PCYOX1: variants seen among roughly 807,000 people sequenced by gnomAD.
PCYOX1 encodes the protein prenylcysteine oxidase 1, also known as prenylcysteine lyase.
A neutral mutation model predicts 46.4 loss-of-function variants in PCYOX1; 46 were observed. The observed-to-expected ratio is 0.99, with a 90% confidence interval of 0.78 to 1.27. The LOEUF (loss-of-function observed/expected upper bound fraction) is 1.27. PCYOX1 is among the 50% of genes most tolerant of loss of function. PCYOX1 has a pLI of 0.00. For synonymous variants in PCYOX1, 220 were observed against 231.8 expected, an observed-to-expected ratio of 0.95 and a Z score of 0.46; for missense variants, 658 against 628.3, an observed-to-expected ratio of 1.05 and a Z score of -0.51.
chr2:70,264,970 TACACAA>T (rs769219085), intron 3 of PCYOX1, among the ~76,000 whole-genome samples: 35 of 151,954 alleles, frequency 2.3e-4, no homozygotes, highest in Non-Finnish European at 4.3e-4. Flanking sequence ...GATCAAAGTA[TACACAA>T]GGTGGAGAAA....
At chr2:70,261,043 C>T (rs1036521660) in intron 2 of PCYOX1, among the ~76,000 whole-genome samples, 169 bp from the exon 3 acceptor site, 4 of 152,196 alleles carry the variant, frequency 2.6e-5, no homozygotes, top group Admixed American at 2.6e-4. Flanking sequence ...CCTAGCAAAT[C>T]TGCTTTTGGA....
intron 3 of PCYOX1, among the ~76,000 whole-genome samples, chr2:70,266,017 G>A (rs1696516654): frequency 6.6e-6 from 1 of 152,082 alleles, no homozygotes; most frequent in South Asian, 2.1e-4. Flanking sequence ...CACCACCACT[G>A]TCTCTTGTCT....
At chr2:70,266,891 ATC>A (rs1559035194) in intron 3 of PCYOX1, among the ~76,000 whole-genome samples, 1 of 152,124 alleles carries the variant, frequency 6.6e-6, no homozygotes, top group African/African-American at 2.4e-5. Context: ...TAACAATCCG[ATC>A]TCTCCTTCCT....
intron 3 of PCYOX1, among the ~76,000 whole-genome samples, chr2:70,268,676 G>A (rs1175132099): frequency 1.3e-5 from 2 of 151,846 alleles, no homozygotes; most frequent in Non-Finnish European, 2.9e-5. Flanking sequence ...GTGCATGCTT[G>A]TAATCCCAGC....
In PCYOX1 at chr2:70,277,321, C is replaced by T. The variant is rs1696687060; in HGVS notation, c.1447C>T (p.His483Tyr). ...CCACAACGCTGCACTCCTTGCCTAT[C>T]ACCGCTGGAACGGGCACACAGACAT... The part of the protein sequence containing the change: ...AAHNAALLAY[H>Y]RWNGHTDMID... Residue 483 changes from histidine to tyrosine, a missense_variant, in exon 6 of 6, where the codon CAC becomes TAC. Physicochemically the swap from His to Tyr is moderately conservative, Grantham distance 83 (BLOSUM62 2). Transcript: ENST00000433351. The T allele has an allele frequency of 6.2e-7, 1 of 1,614,082 alleles. No homozygotes were observed. Among genetic ancestry groups the T allele is most frequent in the Non-Finnish European group, 8.5e-7 (1 of 1,179,958 alleles).
In PCYOX1 at chr2:70,278,733, TTAAC is replaced by T. The variant is rs1696720407; in HGVS notation, c.*1342_*1345del. On this transcript the variant is annotated 3_prime_UTR_variant, in exon 6 of 6. Coordinates refer to ENST00000433351, the MANE Select transcript of PCYOX1 (RefSeq NM_016297.4). Reference sequence around the variant, plus strand: ...GGGTTTTAAAGCATCCAAATGGTAATTAACAGGCAGCAAAACTTCAGAACTAGTT... The same window carrying T: ...GGGTTTTAAAGCATCCAAATGGTAATAGGCAGCAAAACTTCAGAACTAGTT... The T allele has an allele frequency of 6.6e-6, 1 of 152,180 alleles. No individual in the cohort carries two copies. Among genetic ancestry groups the T allele is most frequent in the South Asian group, 2.1e-4 (1 of 4,832 alleles). The allele number at this position is 152,180 out of a possible 1,614,324, so 9.4% of individuals were successfully genotyped here. A position where few individuals can be genotyped will look rare whatever the true frequency, so the allele number is the denominator to read the frequency against.
Position 70,258,148 on chromosome 2 carries a change from C to T in PCYOX1, c.-17C>T, listed in dbSNP as rs777519589. ...ACTGCGGGGCTCTTGAGGCCAGCTG[C>T]AGAGCTTGTGGAGGCCATGGGGCGC... On this transcript the variant is annotated 5_prime_UTR_variant, in exon 1 of 6. Coordinates refer to ENST00000433351, the MANE Select transcript of PCYOX1 (RefSeq NM_016297.4). 3 of 1,578,418 alleles carry T rather than the reference C, an allele frequency of 1.9e-6. No individual in the cohort carries two copies. The highest frequency in any genetic ancestry group is 1.7e-6 in the Non-Finnish European group (2 of 1,166,132).
chr2:70,271,437 G>T (rs1696599616), intron 3 of PCYOX1, among the ~76,000 whole-genome samples: 2 of 151,510 alleles, frequency 1.3e-5, no homozygotes, highest in Admixed American at 6.6e-5. Flanking sequence ...TTAGGAAAGA[G>T]AATTTAAACG....
At chr2:70,263,347 C>T (rs558319520) in intron 3 of PCYOX1, among the ~76,000 whole-genome samples, 21 of 152,214 alleles carry the variant, frequency 1.4e-4, no homozygotes, top group Admixed American at 5.9e-4. Flanking sequence ...ATGCCTTTCC[C>T]GTGGGTACCT....
At chr2:70,275,487 A>G (rs1559037701) in intron 4 of PCYOX1, 27 bp from the exon 5 acceptor site, 1 of 1,610,730 alleles carries the variant, frequency 6.2e-7, no homozygotes, top group Admixed American at 1.7e-5. Context: ...AGTCAGAATT[A>G]AAACACATTT....
In PCYOX1 at chr2:70,266,942, C is replaced by T. The variant is rs530264978; in HGVS notation, c.494+5556C>T. On this transcript the variant is annotated intron_variant, in intron 3 of 5. Coordinates refer to ENST00000433351, the MANE Select transcript of PCYOX1 (RefSeq NM_016297.4). ...CCCCACTTCTATTCGACAAAACTGC[C>T]ATCGTCATCATGGCCCGTTCTCAAT... Among the ~76,000 whole-genome samples, 885 of 152,300 alleles carry T rather than the reference C, an allele frequency of 5.8e-3. 10 individuals are homozygous for T. Among genetic ancestry groups the T allele is most frequent in the African/African-American group, 0.02 (849 of 41,586 alleles).
intron 3 of PCYOX1, among the ~76,000 whole-genome samples, chr2:70,262,549 G>C (rs931181239): frequency 6.8e-6 from 1 of 146,088 alleles, no homozygotes; most frequent in African/African-American, 2.6e-5. Context: ...GCACCATCTC[G>C]GCTCACTGCA....
At position 70,278,862 on chromosome 2, in the gene PCYOX1, C is replaced by T. The variant is rs1696722291; in HGVS notation, c.*1470C>T. 6.6e-6 allele frequency: 1 copy of T among 152,192 alleles called. No individual in the cohort carries two copies. Among genetic ancestry groups the T allele is most frequent in the African/African-American group, 2.4e-5 (1 of 41,450 alleles). 9.4% of individuals were successfully genotyped at this position (152,192 alleles called of 1,614,324 possible). On this transcript the variant is annotated 3_prime_UTR_variant, in exon 6 of 6. Coordinates refer to ENST00000433351, the MANE Select transcript of PCYOX1 (RefSeq NM_016297.4). ...TCAAAAGTAAATGCAACCAATTTAA[C>T]ATGTAGTGTTATTAAAAAATTACAA...
In PCYOX1 at chr2:70,275,190, A is replaced by C. The variant is rs767171249; in HGVS notation, c.706+20A>C. On this transcript the variant is annotated intron_variant, in intron 4 of 5. Transcript: ENST00000433351. ...TTGTGGGTAAGCCAGGGCTTGAAAC[A>C]GTGGTGGACATTAGTTCACAGAGGG... 1 of 1,581,998 alleles carries C rather than the reference A, an allele frequency of 6.3e-7. No individual in the cohort carries two copies. Among genetic ancestry groups the C allele is most frequent in the South Asian group, 1.1e-5 (1 of 90,440 alleles).
chr2:70,272,102 T>C (rs1240155589), intron 3 of PCYOX1, among the ~76,000 whole-genome samples: 1 of 151,926 alleles, frequency 6.6e-6, no homozygotes, highest in Non-Finnish European at 1.5e-5. Context: ...CAATCTATTA[T>C]ATAGGAGCCT....
intron 1 of PCYOX1, chr2:70,258,523 CGGGCGGG>C: frequency 6.6e-6 from 1 of 152,324 alleles, no homozygotes; most frequent in East Asian, 2.7e-4. Context: ...GGGACAGGGG[CGGGCGGG>C]CAGGCAGGCG....
At position 70,278,634 on chromosome 2, in the gene PCYOX1, T is replaced by C. The variant is rs1194787828; in HGVS notation, c.*1242T>C. ...TTAAGTGTTTCATTTACTGTAGCAT[T>C]CTGGGTGAGAAATTGGTTGCTGAAA... On this transcript the variant is annotated 3_prime_UTR_variant, in exon 6 of 6. Coordinates refer to ENST00000433351, the MANE Select transcript of PCYOX1 (RefSeq NM_016297.4). 1 of 152,180 alleles carries C rather than the reference T, an allele frequency of 6.6e-6. No individual in the cohort carries two copies. Among genetic ancestry groups the C allele is most frequent in the Admixed American group, 6.5e-5 (1 of 15,276 alleles). 9.4% of individuals were successfully genotyped at this position (152,180 alleles called of 1,614,324 possible). A position where few individuals can be genotyped will look rare whatever the true frequency, so the allele number is the denominator to read the frequency against.
At position 70,278,218 on chromosome 2, in the gene PCYOX1, C is replaced by G. The variant is rs1309944450; in HGVS notation, c.*826C>G. 6.6e-6 allele frequency: 1 copy of G among 152,614 alleles called. No homozygotes were observed. The highest frequency in any genetic ancestry group is 2.4e-5 in the African/African-American group (1 of 41,438). The allele number at this position is 152,614 out of a possible 1,614,324, so 9.5% of individuals were successfully genotyped here. A position where few individuals can be genotyped will look rare whatever the true frequency, so the allele number is the denominator to read the frequency against. On this transcript the variant is annotated 3_prime_UTR_variant, in exon 6 of 6. Transcript: ENST00000433351. ...GCATTCTAGTATTAAATCCTCACTT[C>G]AGGAGCTTTTAAAAATACTGAGACC...
rs1166199917 is a variant in PCYOX1, at chr2:70,275,524, A to C, written c.717A>C (p.Ser239=). 1 of 1,613,928 alleles carries C rather than the reference A, an allele frequency of 6.2e-7. No homozygotes were observed. Among genetic ancestry groups the C allele is most frequent in the African/African-American group, 1.3e-5 (1 of 74,902 alleles). The part of the protein sequence containing the change: ...TDINAFVGAV[S]LSCSDSGLWA... ...TCCTCCTATTGACAGGGGCGGTGTC[A>C]CTGTCCTGTTCTGATTCTGGCCTTT... is the stretch of plus-strand genomic sequence containing the variant. The change falls in exon 5 of 6, where the codon TCA becomes TCC. Residue 239 remains serine (S), a synonymous_variant. Transcript: ENST00000433351.
Sources: allele counts gnomAD v4.1 joint callset (sites outside exome capture counted in the v4.1 genomes callset), GRCh38; gene constraint gnomAD v4.1.1; transcripts MANE v1.5; gene names NCBI Gene and HGNC (gene_info 2026-07-23, HGNC 2026-07-21).